KCNU1: variants seen among roughly 807,000 people sequenced by gnomAD.
KCNU1 encodes the protein potassium calcium-activated channel subfamily U member 1.
Under a neutral mutation model 126.8 loss-of-function variants are expected in KCNU1, and 93 were observed. The ratio of observed to expected loss-of-function variants is 0.73; its 90% CI spans 0.62 to 0.87. KCNU1 has a LOEUF of 0.87. Ranked by LOEUF, KCNU1 falls within the 40% of genes least tolerant of loss-of-function variation. KCNU1 has a pLI of 0.00. For synonymous variants in KCNU1, 523 were observed against 494.2 expected, an observed-to-expected ratio of 1.06 and a Z score of -0.77; for missense variants, 1,330 against 1,367.1, an observed-to-expected ratio of 0.97 and a Z score of 0.43.
intron 25 of KCNU1, among the ~76,000 whole-genome samples, chr8:36,931,828 G>T (rs1289519990): frequency 3.3e-5 from 5 of 152,086 alleles, no homozygotes; most frequent in Admixed American, 6.6e-5. Context: ...TTAGCTGAGG[G>T]AGCTGGTAAA....
chr8:36,814,684 C>T (rs2130461316), intron 8 of KCNU1, among the ~76,000 whole-genome samples: 1 of 152,260 alleles, frequency 6.6e-6, no homozygotes, highest in South Asian at 2.1e-4. Flanking sequence ...AACTTAAAGT[C>T]TTTCTTCTAA....
rs147091700 is a variant in KCNU1, at chr8:36,837,852, A to C, written c.1518+907A>C. Among the ~76,000 whole-genome samples the C allele has an allele frequency of 2.5e-3, 384 of 152,258 alleles. 3 individuals are homozygous for C. Among genetic ancestry groups the C allele is most frequent in the African/African-American group, 8.9e-3 (369 of 41,548 alleles). ...TTACTTTCCATTTAATTCTGAGTCC[A>C]TGCTTGCCTTTCATACACGTGACTT... On this transcript the variant is annotated intron_variant, in intron 14 of 26. Coordinates refer to ENST00000399881, the MANE Select transcript of KCNU1 (RefSeq NM_001031836.3).
rs1804903122 is a variant in KCNU1, at chr8:36,840,376, T to C, written c.1519-87T>C. 5 of 674,832 alleles carry C rather than the reference T, an allele frequency of 7.4e-6. No homozygotes were observed. The East Asian group carries it at 1.4e-4, about 18-fold the overall frequency. 41.8% of individuals were successfully genotyped at this position (674,832 alleles called of 1,614,324 possible). On this transcript the variant is annotated intron_variant, in intron 14 of 26. Transcript: ENST00000399881. ...ATGACTTACATGCAATGAAGACTTG[T>C]TTGTGCTTAGCAGAATATGCAATGT...
chr8:36,887,907 A>AT (rs1806780480), intron 19 of KCNU1, among the ~76,000 whole-genome samples: 1 of 152,230 alleles, frequency 6.6e-6, no homozygotes, highest in Non-Finnish European at 1.5e-5. Context: ...TATAATCTCT[A>AT]TTTTAACATT....
At chr8:36,904,445 G>A (rs554299328) in intron 19 of KCNU1, among the ~76,000 whole-genome samples, 1 of 152,288 alleles carries the variant, frequency 6.6e-6, no homozygotes, top group East Asian at 1.9e-4. Flanking sequence ...GATATGGTGA[G>A]GTTGGTAACC....
chr8:36,867,859 G>C (rs974818805), intron 19 of KCNU1, among the ~76,000 whole-genome samples: 3 of 152,158 alleles, frequency 2.0e-5, no homozygotes, highest in African/African-American at 7.2e-5. Flanking sequence ...AGACAACCTG[G>C]TTCATCTGTA....
Position 36,866,267 on chromosome 8 carries a change from C to T in KCNU1, c.2009+1746C>T, listed in dbSNP as rs1046932704. 4.3e-4 allele frequency among the ~76,000 whole-genome samples: 65 copies of T among 152,088 alleles called. 1 individual carries two copies. On this transcript the variant is annotated intron_variant, in intron 19 of 26. Transcript: ENST00000399881. ...TACAATTTACCTATTTCTTTTAACA[C>T]ACACAGAGTCCTCTTCCGTTTACCT...
At chr8:36,807,509 A>G (rs1803549190) in intron 6 of KCNU1, 59 bp downstream of exon 6, 2 of 1,220,616 alleles carry the variant, frequency 1.6e-6, no homozygotes, top group Admixed American at 3.4e-5. Flanking sequence ...AAATGAATGT[A>G]TTAACTGGAC....
At chr8:36,823,055 G>A (rs750913871) in intron 10 of KCNU1, among the ~76,000 whole-genome samples, 1 of 152,174 alleles carries the variant, frequency 6.6e-6, no homozygotes, top group Non-Finnish European at 1.5e-5. Flanking sequence ...AGAGAGGCAT[G>A]CATGTGAGTG....
chr8:36,803,149 C>T (rs2211731), intron 2 of KCNU1, among the ~76,000 whole-genome samples: 2 of 152,160 alleles, frequency 1.3e-5, no homozygotes, highest in East Asian at 1.9e-4. Context: ...TCAGCAGAAT[C>T]TAGGAATAAA....
intron 23 of KCNU1, among the ~76,000 whole-genome samples, chr8:36,920,011 G>A (rs573177085): frequency 6.6e-6 from 1 of 152,302 alleles, no homozygotes; most frequent in South Asian, 2.1e-4. Context: ...GTTCAGCTCT[G>A]AAGATCCTAG....
chr8:36,909,167 A>T, intron 20 of KCNU1, 144 bp from the exon 21 acceptor site: 1 of 634,780 alleles, frequency 1.6e-6, no homozygotes, highest in Non-Finnish European at 2.8e-6. Flanking sequence ...TGTTTTTTAT[A>T]AACAATTTGC....
intron 2 of KCNU1, among the ~76,000 whole-genome samples, chr8:36,797,460 G>T (rs1017219866): frequency 6.6e-6 from 1 of 151,964 alleles, no homozygotes; most frequent in Admixed American, 6.6e-5. Flanking sequence ...ATGTCTATAT[G>T]CTCCTTTTGT....
At chr8:36,913,567 G>T (rs1807971902) in intron 22 of KCNU1, among the ~76,000 whole-genome samples, 1 of 151,456 alleles carries the variant, frequency 6.6e-6, no homozygotes, top group Non-Finnish European at 1.5e-5. Flanking sequence ...CATCAGGTCT[G>T]CTTATCTGGC....
At chr8:36,910,692 C>T (rs752364950) in intron 21 of KCNU1, among the ~76,000 whole-genome samples, 13 of 152,204 alleles carry the variant, frequency 8.5e-5, no homozygotes, top group Non-Finnish European at 1.3e-4. Context: ...CCACTCTCCT[C>T]TGTCTCATCC....
chr8:36,834,962 C>G (rs1804692726), intron 12 of KCNU1, 94 bp downstream of exon 12: 1 of 803,070 alleles, frequency 1.2e-6, no homozygotes, highest in Middle Eastern at 2.4e-4. Flanking sequence ...GAGAAAATGT[C>G]GTCTATCATA....
At chr8:36,840,621 C>CT (rs764895136) in intron 15 of KCNU1, 46 bp downstream of exon 15, 76 of 1,105,424 alleles carry the variant, frequency 6.9e-5, no homozygotes, top group Non-Finnish European at 9.6e-5. Flanking sequence ...CAACAGCATT[C>CT]TTTCAACAAC....
chr8:36,926,075 C>T (rs1563340527), intron 24 of KCNU1, among the ~76,000 whole-genome samples: 1 of 152,088 alleles, frequency 6.6e-6, no homozygotes, highest in African/African-American at 2.4e-5. Context: ...AGCTATTGAT[C>T]TTAAGAAGAG....
chr8:36,933,764 A>G (rs573530376), intron 26 of KCNU1, among the ~76,000 whole-genome samples: 1 of 152,168 alleles, frequency 6.6e-6, no homozygotes, highest in East Asian at 1.9e-4. Context: ...TAACAGCAAC[A>G]ATTTTTTTGG....
Sources: allele counts gnomAD v4.1 joint callset (sites outside exome capture counted in the v4.1 genomes callset), GRCh38; gene constraint gnomAD v4.1.1; transcripts MANE v1.5; gene names NCBI Gene and HGNC (gene_info 2026-07-23, HGNC 2026-07-21).